WWC2: variants seen among roughly 807,000 people sequenced by gnomAD.
WWC2 encodes WW and C2 domain containing 2.
Under a neutral mutation model 138.5 loss-of-function variants are expected in WWC2, and 101 were observed. That is an observed-to-expected ratio of 0.73 (90% CI 0.62 to 0.86). The LOEUF is 0.86. Among genes scored for constraint, WWC2 ranks in the 40% least tolerant of loss-of-function variants. WWC2 has a pLI of 0.00. For synonymous variants in WWC2, 558 were observed against 538.4 expected, an observed-to-expected ratio of 1.04 and a Z score of -0.50; for missense variants, 1,420 against 1,419.4, an observed-to-expected ratio of 1.00 and a Z score of -0.01.
At chr4:183,297,667 C>G (rs1738680608) in intron 21 of WWC2, among the ~76,000 whole-genome samples, 3 of 152,176 alleles carry the variant, frequency 2.0e-5, no homozygotes, top group Admixed American at 1.3e-4. Context: ...ATCTTGGCCT[C>G]CCAAAGTGCT....
In WWC2 at chr4:183,319,594, G is replaced by A. The variant is rs777137443; in HGVS notation, c.*3865G>A. 2 of 1,613,462 alleles carry A rather than the reference G, an allele frequency of 1.2e-6. No individual in the cohort carries two copies. Among genetic ancestry groups the A allele is most frequent in the South Asian group, 2.2e-5 (2 of 90,978 alleles). On this transcript the variant is annotated 3_prime_UTR_variant, in exon 23 of 23. Transcript: ENST00000403733. ...TTGGTGTTTCTCGTCTCCAGTTCTT[G>A]ATGATGATCTTGTGTTTGTGCCACT...
intron 4 of WWC2, among the ~76,000 whole-genome samples, chr4:183,211,305 ATAATCTC>A (rs1222692616): frequency 7.9e-5 from 12 of 152,238 alleles, no homozygotes; most frequent in Non-Finnish European, 1.8e-4. Context: ...ATAACGAGAC[ATAATCTC>A]TATTAAAATT....
chr4:183,142,967 A>G (rs990334418), intron 1 of WWC2, among the ~76,000 whole-genome samples: 6 of 152,314 alleles, frequency 3.9e-5, no homozygotes, highest in Non-Finnish European at 8.8e-5. Flanking sequence ...GAGAAAATCC[A>G]ATCTCCTGTC....
At position 183,133,517 on chromosome 4, in the gene WWC2, G is replaced by A. The variant is rs143566533; in HGVS notation, c.131+33895G>A. ...CTTTTCTTTTACTTTTTCTTTTTGA[G>A]ACGGAGCCTTGCCCTGTCGCCCAGG... On this transcript the variant is annotated intron_variant, in intron 1 of 22. Coordinates refer to ENST00000403733, the MANE Select transcript of WWC2 (RefSeq NM_024949.6). 5.1e-3 allele frequency among the ~76,000 whole-genome samples: 779 copies of A among 151,752 alleles called. 12 individuals carry two copies. The highest frequency in any genetic ancestry group is 0.018 in the African/African-American group (728 of 41,376).
chr4:183,285,742 A>G (rs1335369505), intron 19 of WWC2, among the ~76,000 whole-genome samples: 1 of 152,176 alleles, frequency 6.6e-6, no homozygotes, highest in Non-Finnish European at 1.5e-5. Context: ...CCTGGGTGAC[A>G]GAGTGAGACT....
intron 21 of WWC2, among the ~76,000 whole-genome samples, chr4:183,294,760 G>GT (rs5864825): frequency 4.2e-4 from 64 of 151,046 alleles, no homozygotes; most frequent in African/African-American, 1.2e-3. Flanking sequence ...TTTCCTGAGT[G>GT]TTTTTTTTTT....
chr4:183,265,529 C>G (rs1560875256), intron 12 of WWC2, among the ~76,000 whole-genome samples, 159 bp from the exon 13 acceptor site: 1 of 152,226 alleles, frequency 6.6e-6, no homozygotes, highest in African/African-American at 2.4e-5. Context: ...TGAAAAGAGC[C>G]TCTGAAACAG....
rs192001862 is a variant in WWC2 at position 183,200,673 on chromosome 4, C to T, written c.241+6965C>T. Among the ~76,000 whole-genome samples, 76 of 152,276 alleles carry T rather than the reference C, an allele frequency of 5.0e-4. 2 individuals carry two copies. Among genetic ancestry groups the T allele is most frequent in the East Asian group, 4.1e-3 (21 of 5,170 alleles). The stretch of plus-strand genomic sequence containing the variant: ...GTACGGTTGTTGGCAGGATTCACTT[C>T]CTTGCTGGCTGCTGGCCACAGGCCT... On this transcript the variant is annotated intron_variant, in intron 2 of 22. Transcript: ENST00000403733.
At chr4:183,312,680 C>T (rs1739299910) in intron 22 of WWC2, among the ~76,000 whole-genome samples, 1 of 152,232 alleles carries the variant, frequency 6.6e-6, no homozygotes, top group South Asian at 2.1e-4. Context: ...CCCACAAGAA[C>T]CCAGGGTGTC....
intron 6 of WWC2, among the ~76,000 whole-genome samples, chr4:183,248,227 A>G (rs1736858808): frequency 6.6e-6 from 1 of 152,164 alleles, no homozygotes; most frequent in Non-Finnish European, 1.5e-5. Context: ...CTAATCCCTA[A>G]CATTGATGTG....
chr4:183,320,131 G>A lies in WWC2; in HGVS notation c.*4402G>A, dbSNP rs1716911137. ...AGGTTGAGGTTCTTCCAGTGTGGCA[G>A]GTAGTTTGTAAGACAGGATAAAACC... On this transcript the variant is annotated 3_prime_UTR_variant, in exon 23 of 23. Coordinates refer to ENST00000403733, the MANE Select transcript of WWC2 (RefSeq NM_024949.6). The A allele has an allele frequency of 1.2e-6, 2 of 1,613,928 alleles. No individual in the cohort carries two copies. The highest frequency in any genetic ancestry group is 1.3e-5 in the African/African-American group (1 of 74,872).
rs1189999724 is a variant in WWC2 at position 183,318,935 on chromosome 4, G to A, written c.*3206G>A. The A allele has an allele frequency of 6.6e-6, 1 of 152,342 alleles. No individual in the cohort carries two copies. The highest frequency in any genetic ancestry group is 2.4e-5 in the African/African-American group (1 of 41,448). 9.4% of individuals were successfully genotyped at this position (152,342 alleles called of 1,614,324 possible). ...GAACACAGGATGCAGAAGCACGTTTGTGTGGCAGAGTCTACTTGAATCATC... is the reference window on the plus strand; with the variant it reads ...GAACACAGGATGCAGAAGCACGTTTATGTGGCAGAGTCTACTTGAATCATC... On this transcript the variant is annotated 3_prime_UTR_variant, in exon 23 of 23. Transcript: ENST00000403733.
intron 4 of WWC2, among the ~76,000 whole-genome samples, chr4:183,236,368 C>G (rs573795653): frequency 6.6e-6 from 1 of 152,112 alleles, no homozygotes; most frequent in Non-Finnish European, 1.5e-5. Context: ...CACAGAGACT[C>G]CAGGGGTGCC....
At chr4:183,183,044 G>A (rs563307918) in intron 1 of WWC2, among the ~76,000 whole-genome samples, 2 of 152,336 alleles carry the variant, frequency 1.3e-5, no homozygotes, top group African/African-American at 4.8e-5. Context: ...CAGGGTCCCT[G>A]CCTAGAGACT....
intron 1 of WWC2, among the ~76,000 whole-genome samples, chr4:183,104,052 TG>T (rs1430394354): frequency 6.6e-6 from 1 of 151,658 alleles, no homozygotes; most frequent in Non-Finnish European, 1.5e-5. Flanking sequence ...CTCCACCTCC[TG>T]GGTTCAAGTG....
intron 1 of WWC2, among the ~76,000 whole-genome samples, chr4:183,138,115 A>G (rs1204095384): frequency 6.6e-6 from 1 of 152,124 alleles, no homozygotes; most frequent in African/African-American, 2.4e-5. Context: ...TAGCCACCAC[A>G]TAGGGTAAAA....
chr4:183,126,388 G>A (rs899970610), intron 1 of WWC2, among the ~76,000 whole-genome samples: 1 of 152,194 alleles, frequency 6.6e-6, no homozygotes, highest in African/African-American at 2.4e-5. Context: ...AAGGTTATCA[G>A]ATGCAATGAC....
chr4:183,265,321 A>G (rs750508151), intron 12 of WWC2, among the ~76,000 whole-genome samples: 4 of 152,220 alleles, frequency 2.6e-5, no homozygotes, highest in East Asian at 3.9e-4. Context: ...CCCAGAGGCA[A>G]TTGACCCTCT....
chr4:183,289,767 A>T, intron 21 of WWC2, 132 bp downstream of exon 21: 2 of 1,341,754 alleles, frequency 1.5e-6, no homozygotes, highest in Non-Finnish European at 9.9e-7. Context: ...CTTGGAACAT[A>T]TTTTTCCCAC....
Sources: allele counts gnomAD v4.1 joint callset (sites outside exome capture counted in the v4.1 genomes callset), GRCh38; gene constraint gnomAD v4.1.1; transcripts MANE v1.5; gene names NCBI Gene and HGNC (gene_info 2026-07-23, HGNC 2026-07-21).